Variants in CREB3L2 observed in about 807,000 individuals in gnomAD.
The protein encoded by CREB3L2 is cyclic AMP-responsive element-binding protein 3-like protein 2.
A neutral mutation model predicts 57.2 loss-of-function variants in CREB3L2; 23 were observed. The ratio of observed to expected loss-of-function variants is 0.40; its 90% confidence interval spans 0.29 to 0.57. The LOEUF is 0.57. Among genes scored for constraint, CREB3L2 ranks in the 20% least tolerant of loss-of-function variants. The pLI is 0.42. For synonymous variants in CREB3L2, 268 were observed against 265.1 expected, an observed-to-expected ratio of 1.01 and a Z score of -0.11; for missense variants, 628 against 634.7, an observed-to-expected ratio of 0.99 and a Z score of 0.11.
intron 1 of CREB3L2, among the ~76,000 whole-genome samples, chr7:137,973,140 C>T (rs1801547075): frequency 6.9e-6 from 1 of 145,608 alleles, no homozygotes; most frequent in Non-Finnish European, 1.5e-5. Flanking sequence ...GCACATTGTG[C>T]ACATGTACCC....
At chr7:137,886,735 A>G (rs1216501240) in intron 8 of CREB3L2, among the ~76,000 whole-genome samples, 1 of 151,968 alleles carries the variant, frequency 6.6e-6, no homozygotes, top group Non-Finnish European at 1.5e-5. Context: ...GAAAAAAAAA[A>G]AGGAGACGTT....
intron 10 of CREB3L2, among the ~76,000 whole-genome samples, chr7:137,884,052 C>T (rs1799356196): frequency 6.6e-6 from 1 of 152,208 alleles, no homozygotes; most frequent in Admixed American, 6.5e-5. Context: ...GCCGCCCAGG[C>T]TGGGGTGCAG....
chr7:137,995,163 C>T (rs1412282744), intron 1 of CREB3L2, among the ~76,000 whole-genome samples: 3 of 152,002 alleles, frequency 2.0e-5, no homozygotes, highest in Admixed American at 6.6e-5. Context: ...AAAGAGACAA[C>T]TTCTCTTCTT....
chr7:137,982,382 G>T (rs1801725932), intron 1 of CREB3L2, among the ~76,000 whole-genome samples: 1 of 152,102 alleles, frequency 6.6e-6, no homozygotes, highest in Non-Finnish European at 1.5e-5. Context: ...CCAGTGCTAT[G>T]GGGTTGAATT....
intron 2 of CREB3L2, among the ~76,000 whole-genome samples, chr7:137,919,944 C>T (rs553244166): frequency 1.3e-5 from 2 of 152,208 alleles, no homozygotes; most frequent in Non-Finnish European, 2.9e-5. Flanking sequence ...TCTAGATTTC[C>T]AACCTTGGGA....
chr7:137,905,148 T>C (rs78430642), intron 6 of CREB3L2, among the ~76,000 whole-genome samples: 7,707 of 151,464 alleles, frequency 0.051, 423 homozygotes, highest in Admixed American at 0.17. Context: ...TGCTCAGCAC[T>C]GAGGGGCCCA....
rs957644229 is a variant in CREB3L2 at position 137,880,133 on chromosome 7, C to T, written c.*343G>A. 2 of 350,162 alleles carry T rather than the reference C, an allele frequency of 5.7e-6. No individual in the cohort carries two copies. The highest frequency in any genetic ancestry group is 4.6e-5 in the East Asian group (1 of 21,738). 21.7% of individuals were successfully genotyped at this position (350,162 alleles called of 1,614,324 possible). On this transcript the variant is annotated 3_prime_UTR_variant, in exon 12 of 12. Transcript: ENST00000330387. The surrounding 1 kb of genome is among the most constrained non-coding windows in gnomAD (Gnocchi z 4.0). ...AACAAGAGCCATCTCGTCTCCAAAG[C>T]GGGGGGTTACACCTCACAGGTGCAC...
chr7:137,903,821 C>A (rs1226653477), intron 7 of CREB3L2, 138 bp downstream of exon 7: 2 of 713,834 alleles, frequency 2.8e-6, no homozygotes, highest in Non-Finnish European at 4.9e-6. Context: ...AGGTGGCAGG[C>A]AAACCACAGC....
At chr7:137,915,812 T>G in intron 3 of CREB3L2, 25 bp downstream of exon 3, 1 of 1,606,326 alleles carries the variant, frequency 6.2e-7, no homozygotes, top group Non-Finnish European at 8.5e-7. Flanking sequence ...TCCAACCTGT[T>G]TAAACAGACG....
At chr7:137,914,165 TA>T (rs1214589477) in intron 3 of CREB3L2, among the ~76,000 whole-genome samples, 3 of 149,296 alleles carry the variant, frequency 2.0e-5, no homozygotes, top group Non-Finnish European at 4.4e-5. Context: ...AATAATGTTA[TA>T]ATACAATTAA....
intron 1 of CREB3L2, among the ~76,000 whole-genome samples, chr7:137,955,901 T>C (rs1285073204): frequency 1.3e-5 from 2 of 152,216 alleles, no homozygotes; most frequent in African/African-American, 4.8e-5. Context: ...GTTAAATAAC[T>C]TACCCCAGGA....
chr7:137,939,104 T>G, intron 1 of CREB3L2, among the ~76,000 whole-genome samples: 1 of 152,254 alleles, frequency 6.6e-6, no homozygotes, highest in Non-Finnish European at 1.5e-5. Context: ...TAGTAGGGCC[T>G]GTCCTTCCAT....
intron 1 of CREB3L2, among the ~76,000 whole-genome samples, chr7:137,941,599 G>T (rs1215383430): frequency 2.0e-5 from 3 of 152,176 alleles, no homozygotes; most frequent in Admixed American, 2.0e-4. Context: ...GGCCCCGGTT[G>T]GCTTTCTGTT....
intron 1 of CREB3L2, chr7:137,953,660 G>C: frequency 2.0e-6 from 1 of 507,858 alleles, no homozygotes; most frequent in South Asian, 1.7e-5. Flanking sequence ...GGAAGGGGTA[G>C]ACACTGAGCT....
chr7:137,900,045 G>A (rs1245395895), intron 8 of CREB3L2, among the ~76,000 whole-genome samples: 2 of 152,164 alleles, frequency 1.3e-5, no homozygotes, highest in African/African-American at 4.8e-5. Context: ...AGGGTGACAG[G>A]AGTCTCTAAG....
chr7:137,953,238 C>G, intron 1 of CREB3L2: 2 of 349,764 alleles, frequency 5.7e-6, no homozygotes, highest in Non-Finnish European at 1.1e-5. Flanking sequence ...AGTTTGTTCC[C>G]TCTAAGTCAC....
chr7:137,918,935 T>G (rs1485688599), intron 2 of CREB3L2, among the ~76,000 whole-genome samples: 1 of 152,106 alleles, frequency 6.6e-6, no homozygotes, highest in Non-Finnish European at 1.5e-5. Flanking sequence ...CCTCAGGGAA[T>G]GGAAACCACA....
At position 137,879,054 on chromosome 7, in the gene CREB3L2, C is replaced by A. The variant is rs1463474444; in HGVS notation, c.*1422G>T. ...TTTCCTACACAAAATCTTTCCCAAG[C>A]TCGGAAAAAACACTTGAGGGTTTTC... On this transcript the variant is annotated 3_prime_UTR_variant, in exon 12 of 12. Coordinates refer to ENST00000330387, the MANE Select transcript of CREB3L2 (RefSeq NM_194071.4). 24 of 430,358 alleles carry A rather than the reference C, an allele frequency of 5.6e-5. No homozygotes were observed. The highest frequency in any genetic ancestry group is 9.6e-5 in the Non-Finnish European group (22 of 228,796). 26.7% of individuals were successfully genotyped at this position (430,358 alleles called of 1,614,324 possible).
chr7:137,913,161 G>T, intron 3 of CREB3L2, 83 bp from the exon 4 acceptor site: 1 of 1,399,838 alleles, frequency 7.1e-7, no homozygotes, highest in Non-Finnish European at 9.7e-7. Flanking sequence ...TGTCACCTGT[G>T]TCTTCCTCTC....
Sources: allele counts gnomAD v4.1 joint callset (sites outside exome capture counted in the v4.1 genomes callset), GRCh38; gene constraint gnomAD v4.1.1; non-coding constraint Gnocchi (gnomAD v3.1); transcripts MANE v1.5; gene names NCBI Gene and HGNC (gene_info 2026-07-23, HGNC 2026-07-21).